Variants in PHACTR1 observed in about 807,000 individuals in gnomAD.
The protein encoded by PHACTR1 is RPEL repeat containing 1.
A neutral mutation model predicts 69.2 loss-of-function variants in PHACTR1; 16 were observed. The observed-to-expected ratio is 0.23, with a 90% CI of 0.16 to 0.35. The LOEUF is 0.35. PHACTR1 is among the 10% of genes least tolerant of loss of function. The probability of loss-of-function intolerance (pLI) is 1.00; values close to 1 mark genes in which losing one functional copy is unlikely to be tolerated. For missense variants in PHACTR1, 510 were observed against 734.7 expected (o/e 0.69, Z 3.54); for synonymous variants, 312 against 284.5 (o/e 1.10, Z -0.97).
chr6:13,259,493 C>A (rs1023066554), intron 10 of PHACTR1, among the ~76,000 whole-genome samples: 1 of 152,170 alleles, frequency 6.6e-6, no homozygotes, highest in Non-Finnish European at 1.5e-5. Flanking sequence ...CAAAAATATT[C>A]TTTTAAGCGT....
intron 5 of PHACTR1, among the ~76,000 whole-genome samples, chr6:13,122,116 A>T (rs577634914): frequency 1.2e-4 from 19 of 152,300 alleles, no homozygotes; most frequent in Admixed American, 1.2e-3. Flanking sequence ...CTCTTCAATA[A>T]AGACTCATCC....
At chr6:13,190,331 G>A (rs915029070) in intron 7 of PHACTR1, among the ~76,000 whole-genome samples, 43 of 151,548 alleles carry the variant, frequency 2.8e-4, no homozygotes, top group African/African-American at 9.9e-4. Context: ...CACCAAGCCC[G>A]GCTTGATGTC....
intron 4 of PHACTR1, among the ~76,000 whole-genome samples, chr6:12,925,653 G>A (rs999854724): frequency 6.6e-6 from 1 of 152,096 alleles, no homozygotes; most frequent in Non-Finnish European, 1.5e-5. Context: ...GATTTGGCTG[G>A]TGACTAAATG....
At position 13,225,268 on chromosome 6, in the gene PHACTR1, C is replaced by T. The variant is rs117507544; in HGVS notation, c.987-2548C>T. On this transcript the variant is annotated intron_variant, in intron 8 of 14. Transcript: ENST00000332995. ...TTCACCTAGCTTCATGGAAAACTAC[C>T]TCCTTCAGTCTTAAGGAAAATTAGG... is the stretch of plus-strand genomic sequence containing the variant. Among the ~76,000 whole-genome samples the T allele has an allele frequency of 6.6e-5, 10 of 152,280 alleles. No homozygotes were observed. In the East Asian group the frequency reaches 1.9e-3, roughly 29 times the overall value.
intron 4 of PHACTR1, among the ~76,000 whole-genome samples, chr6:12,901,478 A>T (rs767652692): frequency 6.6e-6 from 1 of 152,066 alleles, no homozygotes; most frequent in Non-Finnish European, 1.5e-5. Flanking sequence ...GAGAAAATAA[A>T]ATGGATTTCA....
chr6:12,826,630 G>C (rs1401559785), intron 4 of PHACTR1, among the ~76,000 whole-genome samples: 1 of 152,108 alleles, frequency 6.6e-6, no homozygotes, highest in Non-Finnish European at 1.5e-5. Flanking sequence ...TATGTCTTAA[G>C]TATGTAATTT....
chr6:12,781,384 T>C (rs1416539613), intron 4 of PHACTR1, among the ~76,000 whole-genome samples: 1 of 152,196 alleles, frequency 6.6e-6, no homozygotes, highest in South Asian at 2.1e-4. Flanking sequence ...ACCCAGGACG[T>C]GAATCTCTAG....
chr6:13,098,553 CTAG>C (rs1814641381), intron 5 of PHACTR1, among the ~76,000 whole-genome samples: 2 of 152,192 alleles, frequency 1.3e-5, no homozygotes, highest in Admixed American at 1.3e-4. Context: ...CTTGATATCC[CTAG>C]TCTGTGTTGT....
chr6:12,767,574 T>C (rs746263801), intron 4 of PHACTR1, among the ~76,000 whole-genome samples: 3 of 152,208 alleles, frequency 2.0e-5, no homozygotes, highest in Admixed American at 1.3e-4. Context: ...CTTTACACTT[T>C]CGTTTTTTAA....
At chr6:12,774,040 G>A (rs1237041670) in intron 4 of PHACTR1, among the ~76,000 whole-genome samples, 1 of 152,176 alleles carries the variant, frequency 6.6e-6, no homozygotes. Context: ...AAGAACGAGA[G>A]AGTAAGATGG....
At chr6:12,809,977 T>C (rs1444886960) in intron 4 of PHACTR1, among the ~76,000 whole-genome samples, 1 of 152,202 alleles carries the variant, frequency 6.6e-6, no homozygotes, top group African/African-American at 2.4e-5. Context: ...AGGACTCTAA[T>C]ACTAGGAGAT....
chr6:12,738,177 AAT>A (rs1764543367), intron 3 of PHACTR1, among the ~76,000 whole-genome samples: 1 of 152,166 alleles, frequency 6.6e-6, no homozygotes, highest in Non-Finnish European at 1.5e-5. Context: ...ATTTGTGAAA[AAT>A]ATAGTTTCCT....
At chr6:12,970,183 C>T (rs987958373) in intron 4 of PHACTR1, among the ~76,000 whole-genome samples, 4 of 152,158 alleles carry the variant, frequency 2.6e-5, no homozygotes, top group African/African-American at 9.7e-5. Flanking sequence ...ATACTGTGGA[C>T]TTAAACATTA....
intron 5 of PHACTR1, among the ~76,000 whole-genome samples, chr6:13,092,482 A>G (rs1288917727): frequency 6.6e-6 from 1 of 152,214 alleles, no homozygotes; most frequent in Non-Finnish European, 1.5e-5. Context: ...CAAGATCTCA[A>G]TGTCAGAAGC....
intron 5 of PHACTR1, among the ~76,000 whole-genome samples, chr6:13,096,485 TC>T (rs1397313953): frequency 6.6e-6 from 1 of 152,222 alleles, no homozygotes; most frequent in African/African-American, 2.4e-5. Context: ...TTGGGAAGCT[TC>T]TTAGGAAAGC....
intron 8 of PHACTR1, among the ~76,000 whole-genome samples, chr6:13,227,272 C>T (rs936695191): frequency 1.3e-5 from 2 of 152,244 alleles, no homozygotes; most frequent in African/African-American, 4.8e-5. Context: ...TCTCCAGCCA[C>T]AGCATTTCAG....
chr6:12,841,284 A>G (rs968188915), intron 4 of PHACTR1, among the ~76,000 whole-genome samples: 2 of 152,166 alleles, frequency 1.3e-5, no homozygotes, highest in African/African-American at 4.8e-5. Context: ...CATTAGACCA[A>G]TGTGTTGTCT....
chr6:12,984,162 A>G lies in PHACTR1; in HGVS notation c.251-69203A>G, dbSNP rs146040764. 3.3e-3 allele frequency among the ~76,000 whole-genome samples: 498 copies of G among 152,364 alleles called. 1 individual carries two copies. Among genetic ancestry groups the G allele is most frequent in the African/African-American group, 0.012 (484 of 41,584 alleles). On this transcript the variant is annotated intron_variant, in intron 4 of 14. Transcript: ENST00000332995. ...GGTTGGACTAGTTTACAGTCCCATC[A>G]ACAGTGTAAAAGTGTTCCGATTTCT... is the stretch of plus-strand genomic sequence containing the variant.
At chr6:13,285,357 C>G (rs1019430262) in intron 13 of PHACTR1, among the ~76,000 whole-genome samples, 1 of 152,180 alleles carries the variant, frequency 6.6e-6, no homozygotes, top group African/African-American at 2.4e-5. Context: ...CCTCAAACTC[C>G]TGGGGCCTTG....
Sources: gnomAD v4.1 joint callset for allele counts (sites outside exome capture counted in the v4.1 genomes callset) on GRCh38, gnomAD v4.1.1 for gene constraint, MANE v1.5 for transcripts, NCBI Gene and HGNC (gene_info 2026-07-23, HGNC 2026-07-21) for gene names.